Variants in APOC4 observed in about 807,000 individuals in gnomAD.
APOC4 encodes apolipoprotein C4.
In APOC4, 10 loss-of-function variants were observed where a neutral mutation model predicts 8.4. The observed-to-expected ratio is 1.19, with a 90% CI of 0.74 to 2.03. The LOEUF is 2.03. APOC4 is among the 30% of genes most tolerant of loss of function. The pLI, the probability that APOC4 is intolerant of heterozygous loss-of-function variation, is 0.00. For missense variants in APOC4, 160 were observed against 156.1 expected, an observed-to-expected ratio of 1.02 and a Z score of -0.13; for synonymous variants, 59 against 65.8, an observed-to-expected ratio of 0.90 and a Z score of 0.50.
At chr19:44,943,619 C>G (rs957046041) in intron 1 of APOC4, among the ~76,000 whole-genome samples, 1 of 151,512 alleles carries the variant, frequency 6.6e-6, no homozygotes, top group Non-Finnish European at 1.5e-5. Flanking sequence ...CCCAGCTACT[C>G]GGGAGGCTGA....
At chr19:44,944,601 G>C in intron 1 of APOC4, 148 bp from the exon 2 acceptor site, 1 of 875,664 alleles carries the variant, frequency 1.1e-6, no homozygotes, top group East Asian at 2.9e-5. Context: ...GCGGTCAGGG[G>C]ACACATAAGG....
rs1368472499 is a variant in APOC4 at position 44,945,216 on chromosome 19, G to T, written c.295G>T (p.Ala99Ser). 1 of 1,614,086 alleles carries T rather than the reference G, an allele frequency of 6.2e-7. No individual in the cohort carries two copies. The highest frequency in any genetic ancestry group is 1.1e-5 in the South Asian group (1 of 91,084). ...GAGGGACCTGGGTCCGCTCACCAAG[G>T]CCTGGTTCCTCGAATCCAAAGACAG... Reference protein sequence around the residue: ...HLRDLGPLTKAWFLESKDSLL... With the variant: ...HLRDLGPLTKSWFLESKDSLL... The change falls in exon 3 of 3, where the codon GCC becomes TCC. Residue 99 changes from alanine (A) to serine (S), a missense_variant. Physicochemically the swap from Ala to Ser is moderately conservative, Grantham distance 99 (BLOSUM62 1). Transcript: ENST00000592954.
At chr19:44,944,624 G>T in intron 1 of APOC4, 125 bp from the exon 2 acceptor site, 1 of 1,190,394 alleles carries the variant, frequency 8.4e-7, no homozygotes. Flanking sequence ...AAAGGCAGGA[G>T]GCAAGAGGAC....
At position 44,945,228 on chromosome 19, in the gene APOC4, G is replaced by A. The variant is rs1331127938; in HGVS notation, c.307G>A (p.Glu103Lys). 9.3e-6 allele frequency: 15 copies of A among 1,614,042 alleles called. No individual in the cohort carries two copies. The highest frequency in any genetic ancestry group is 4.5e-5 in the East Asian group (2 of 44,868). The part of the protein sequence containing the change: ...LGPLTKAWFL[E>K]SKDSLLKKTH... ...TCCGCTCACCAAGGCCTGGTTCCTC[G>A]AATCCAAAGACAGCCTCTTGAAGAA... The change falls in exon 3 of 3, where the codon GAA (glutamate) becomes AAA (lysine). Residue 103 changes from glutamate to lysine, a missense_variant. Transcript: ENST00000592954.
rs776748082 is a variant in APOC4 at position 44,944,809 on chromosome 19, G to A, written c.137G>A (p.Arg46His). 3.4e-5 allele frequency: 55 copies of A among 1,610,704 alleles called. No homozygotes were observed. Among genetic ancestry groups the A allele is most frequent in the Non-Finnish European group, 4.3e-5 (51 of 1,178,896 alleles). Residue 46 changes from arginine to histidine, a missense_variant, in exon 2 of 3, where the codon CGC becomes CAC. Coordinates refer to ENST00000592954, the MANE Select transcript of APOC4 (RefSeq NM_001646.3). Reference protein sequence around the residue: ...LSPPPKLKMSRWSLVRGRMKE... With the variant: ...LSPPPKLKMSHWSLVRGRMKE... ...CCCCCACCAAAGCTAAAGATGAGTC[G>A]CTGGAGCCTGGTGAGGGGCAGGATG...
chr19:44,942,412 G>A, intron 1 of APOC4, 59 bp downstream of exon 1: 1 of 1,553,202 alleles, frequency 6.4e-7, no homozygotes, highest in Non-Finnish European at 8.8e-7. Context: ...GAGTGTGGCT[G>A]TGTGTCCTGT....
In APOC4 at chr19:44,942,572, ACGTG is replaced by A. The variant is rs1970271071; in HGVS notation, c.76+228_76+231del. On this transcript the variant is annotated intron_variant, in intron 1 of 2. Coordinates refer to ENST00000592954, the MANE Select transcript of APOC4 (RefSeq NM_001646.3). Reference sequence around the variant, plus strand: ...AAACTGGGATCATCTGTGTGTGTGCACGTGCGTGCGTGGAAGTGGGAGTATGCAG... The same window carrying A: ...AAACTGGGATCATCTGTGTGTGTGCACGTGCGTGGAAGTGGGAGTATGCAG... 2.6e-5 allele frequency among the ~76,000 whole-genome samples: 4 copies of A among 151,954 alleles called. No homozygotes were observed. The South Asian group carries it at 8.4e-4, about 32-fold the overall frequency.
In APOC4 at chr19:44,944,742, C is replaced by T; in HGVS notation, c.77-7C>T. The T allele has an allele frequency of 6.2e-7, 1 of 1,608,986 alleles. No homozygotes were observed. The highest frequency in any genetic ancestry group is 1.1e-5 in the South Asian group (1 of 90,292). ...GCCTACCCAAGTTGCCCTCTGGTTCCACCTAGCATGCCAGCCAGAGGCCCA... is the reference window on the plus strand; with the variant it reads ...GCCTACCCAAGTTGCCCTCTGGTTCTACCTAGCATGCCAGCCAGAGGCCCA... On this transcript the variant is annotated splice_polypyrimidine_tract_variant and splice_region_variant and intron_variant, in intron 1 of 2. Coordinates refer to ENST00000592954, the MANE Select transcript of APOC4 (RefSeq NM_001646.3).
In APOC4 at chr19:44,943,726, GAAA is replaced by G. The variant is rs569505878; in HGVS notation, c.77-1011_77-1009del. ...TGGGTGACAGAGCGAGACTCCGTCT[GAAA>G]AAAAAAAAAAATTTAACACGTATGT... On this transcript the variant is annotated intron_variant, in intron 1 of 2. Transcript: ENST00000592954. Among the ~76,000 whole-genome samples the G allele has an allele frequency of 9.0e-3, 1,262 of 140,340 alleles. 15 individuals are homozygous for G. Among genetic ancestry groups the G allele is most frequent in the African/African-American group, 0.031 (1,194 of 38,428 alleles). The allele number at this position is 140,340 out of a possible 152,430, so 92.1% of individuals were successfully genotyped here. A position where few individuals can be genotyped will look rare whatever the true frequency, so the allele number is the denominator to read the frequency against.
chr19:44,943,215 C>T (rs1335485334), intron 1 of APOC4, among the ~76,000 whole-genome samples: 3 of 152,016 alleles, frequency 2.0e-5, no homozygotes, highest in Non-Finnish European at 2.9e-5. Context: ...GCCACTGCGC[C>T]TGGCCAATGC....
chr19:44,945,323 G>C lies in APOC4; in HGVS notation c.*18G>C, dbSNP rs765264605. On this transcript the variant is annotated 3_prime_UTR_variant, in exon 3 of 3. Transcript: ENST00000592954. ...AGGGTTAAAATGTTCATAAAAGCCA[G>C]GTGTGGTTGTGGCGGGTGCCTGTAG... 1.9e-6 allele frequency: 3 copies of C among 1,607,762 alleles called. No homozygotes were observed. The South Asian group carries it at 3.3e-5, about 18-fold the overall frequency.
At chr19:44,944,012 C>A (rs1970288408) in intron 1 of APOC4, among the ~76,000 whole-genome samples, 1 of 152,128 alleles carries the variant, frequency 6.6e-6, no homozygotes, top group South Asian at 2.1e-4. Flanking sequence ...CAAGGCTAAG[C>A]CAATGTCTGC....
At chr19:44,942,550 C>G (rs1473112423) in intron 1 of APOC4, among the ~76,000 whole-genome samples, 197 bp downstream of exon 1, 2 of 152,002 alleles carry the variant, frequency 1.3e-5, no homozygotes, top group Admixed American at 1.3e-4. Flanking sequence ...TTGGTACAAA[C>G]TGGGATCATC....
chr19:44,942,562 G>T (rs530333604), intron 1 of APOC4, among the ~76,000 whole-genome samples: 3 of 152,252 alleles, frequency 2.0e-5, no homozygotes, highest in African/African-American at 7.2e-5. Context: ...GGGATCATCT[G>T]TGTGTGTGCA....
chr19:44,945,167 G>A lies in APOC4; in HGVS notation c.246G>A (p.Met82Ile). 1 of 1,614,060 alleles carries A rather than the reference G, an allele frequency of 6.2e-7. No homozygotes were observed. Among genetic ancestry groups the A allele is most frequent in the Non-Finnish European group, 8.5e-7 (1 of 1,180,002 alleles). The stretch of plus-strand genomic sequence containing the variant: ...GCCCGAGCACCTTCCGGGGCTTCAT[G>A]CAGACCTACTATGACGACCACCTGA... ...FWSPSTFRGF[M>I]QTYYDDHLRD... Residue 82 changes from methionine (M) to isoleucine (I), a missense_variant, in exon 3 of 3, where the codon ATG (methionine) becomes ATA (isoleucine). By Grantham distance (10) the Met-to-Ile change is conservative. Coordinates refer to ENST00000592954, the MANE Select transcript of APOC4 (RefSeq NM_001646.3).
At chr19:44,942,462 C>T (rs990228756) in intron 1 of APOC4, 109 bp downstream of exon 1, 18 of 1,006,574 alleles carry the variant, frequency 1.8e-5, no homozygotes, top group Middle Eastern at 2.1e-4. Flanking sequence ...GGAGTGTGTG[C>T]GTTTCATGGC....
chr19:44,942,248 C>T lies in APOC4; in HGVS notation c.-30C>T. The T allele has an allele frequency of 6.3e-7, 1 of 1,589,038 alleles. No individual in the cohort carries two copies. The highest frequency in any genetic ancestry group is 8.6e-7 in the Non-Finnish European group (1 of 1,167,340). ...CTCCCCCGGCCCGCAGAGTTGAGCA[C>T]AGAGGGACAGAGGCACGGAACCCCC... On this transcript the variant is annotated 5_prime_UTR_variant, in exon 1 of 3. Transcript: ENST00000592954.
chr19:44,942,594 G>A (rs955847534), intron 1 of APOC4, among the ~76,000 whole-genome samples: 9 of 149,192 alleles, frequency 6.0e-5, no homozygotes, highest in Admixed American at 6.7e-5. Flanking sequence ...GGAAGTGGGA[G>A]TATGCAGTCG....
In APOC4 at chr19:44,945,461, G is replaced by A. The variant is rs1282027031; in HGVS notation, c.*156G>A. Reference sequence around the variant, plus strand: ...GGGTAAAACAAAAAGAAAAAAAAAAGTTCATACTTCTCCAATAAATAAAGT... The same window carrying A: ...GGGTAAAACAAAAAGAAAAAAAAAAATTCATACTTCTCCAATAAATAAAGT... On this transcript the variant is annotated 3_prime_UTR_variant, in exon 3 of 3. Transcript: ENST00000592954. 12 of 682,290 alleles carry A rather than the reference G, an allele frequency of 1.8e-5. No homozygotes were observed. Among genetic ancestry groups the A allele is most frequent in the Non-Finnish European group, 2.4e-5 (10 of 424,992 alleles). The allele number at this position is 682,290 out of a possible 1,614,324, so 42.3% of individuals were successfully genotyped here.
Sources: allele counts gnomAD v4.1 joint callset (sites outside exome capture counted in the v4.1 genomes callset), GRCh38; gene constraint gnomAD v4.1.1; transcripts MANE v1.5; gene names NCBI Gene and HGNC (gene_info 2026-07-23, HGNC 2026-07-21).